Variants in PDE1A observed in about 807,000 individuals in gnomAD.
PDE1A encodes dual specificity calcium/calmodulin-dependent 3',5'-cyclic nucleotide phosphodiesterase 1A.
PDE1A carries 35 observed loss-of-function variants against 61.7 expected under a neutral mutation model. The ratio of observed to expected loss-of-function variants is 0.57; its 90% CI spans 0.43 to 0.75. PDE1A has a LOEUF of 0.75. PDE1A is among the 30% of genes least tolerant of loss of function. PDE1A has a pLI of 0.00. For missense variants in PDE1A, 597 were observed against 630.6 expected (o/e 0.95, Z 0.57); for synonymous variants, 232 against 213.2 (o/e 1.09, Z -0.77).
At chr2:182,671,995 G>A in the PDE1A span, among the ~76,000 whole-genome samples, 1 of 151,984 alleles carries the variant, frequency 6.6e-6, no homozygotes, top group African/African-American at 2.4e-5. Context: ...GCTCCTCCTC[G>A]AATTCTGCCC....
intron 1 of PDE1A, among the ~76,000 whole-genome samples, chr2:182,298,577 G>T (rs1695040028): frequency 6.6e-6 from 1 of 152,112 alleles, no homozygotes; most frequent in Admixed American, 6.6e-5. Flanking sequence ...CGAGTTGTTA[G>T]AGGATAGCAG....
chr2:182,626,764 TATATATACATATATATAC>T, the PDE1A span, among the ~76,000 whole-genome samples: 2 of 29,076 alleles, frequency 6.9e-5, no homozygotes, highest in African/African-American at 2.1e-4. Context: ...TATATATACA[TATATATACATATATATAC>T]ATATATATAC....
At chr2:182,639,074 T>G in the PDE1A span, among the ~76,000 whole-genome samples, 1 of 152,140 alleles carries the variant, frequency 6.6e-6, no homozygotes, top group Non-Finnish European at 1.5e-5. Context: ...GCAGGAAAAC[T>G]TACCAAAAGA....
chr2:182,257,167 T>C (rs1376024249), intron 2 of PDE1A, among the ~76,000 whole-genome samples: 1 of 152,214 alleles, frequency 6.6e-6, no homozygotes, highest in East Asian at 1.9e-4. Context: ...CTCCATGCCT[T>C]GCCTTAAATA....
the PDE1A span, among the ~76,000 whole-genome samples, chr2:182,626,792 C>CATATATATATACAT: frequency 2.0e-3 from 18 of 8,972 alleles, no homozygotes; most frequent in Non-Finnish European, 3.2e-3. Context: ...CATATATATA[C>CATATATATATACAT]ATATATATAC....
rs1237091164 is a variant in PDE1A at position 182,168,218 on chromosome 2, A to C, written c.*29T>G. The C allele has an allele frequency of 1.9e-6, 3 of 1,575,036 alleles. No homozygotes were observed. The South Asian group carries it at 3.6e-5, about 19-fold the overall frequency. On this transcript the variant is annotated 3_prime_UTR_variant, in exon 14 of 14. Coordinates refer to ENST00000351439, the Ensembl canonical transcript of PDE1A. ...GTCTTTTGGTCAAATTAGAGCTGCC[A>C]CCATGCACGAGGTTTTACTTAAAGG... is the stretch of plus-strand genomic sequence containing the variant.
the PDE1A span, among the ~76,000 whole-genome samples, chr2:182,620,757 C>A: frequency 6.6e-6 from 1 of 152,170 alleles, no homozygotes. Flanking sequence ...AATTCAGTTT[C>A]TATTTTAAGC....
chr2:182,609,639 C>T, the PDE1A span, among the ~76,000 whole-genome samples: 2 of 152,218 alleles, frequency 1.3e-5, no homozygotes, highest in African/African-American at 2.4e-5. Flanking sequence ...CACCAACCCA[C>T]CAGAAGGAAC....
the PDE1A span, among the ~76,000 whole-genome samples, chr2:182,554,090 G>A: frequency 6.6e-6 from 1 of 152,102 alleles, no homozygotes; most frequent in Non-Finnish European, 1.5e-5. Context: ...ACTCCAGGCA[G>A]GTAGACCAGT....
At chr2:182,546,586 C>T in the PDE1A span, among the ~76,000 whole-genome samples, 7 of 152,190 alleles carry the variant, frequency 4.6e-5, no homozygotes, top group African/African-American at 1.7e-4. Flanking sequence ...GCAACTTCAT[C>T]ACCACCCGTG....
chr2:182,189,067 A>G lies in PDE1A; in HGVS notation c.1126-7T>C. 6.2e-7 allele frequency: 1 copy of G among 1,600,350 alleles called. No homozygotes were observed. Among genetic ancestry groups the G allele is most frequent in the Non-Finnish European group, 8.6e-7 (1 of 1,168,284 alleles). ...ATTCAGCTTCTTTATCTCCCTGGAGAAAGAAAAGCACATTAATATAGACTT... is the reference window on the plus strand; with the variant it reads ...ATTCAGCTTCTTTATCTCCCTGGAGGAAGAAAAGCACATTAATATAGACTT... On this transcript the variant is annotated splice_polypyrimidine_tract_variant and splice_region_variant and intron_variant, in intron 10 of 13. Coordinates refer to ENST00000351439, the Ensembl canonical transcript of PDE1A.
intron 10 of PDE1A, among the ~76,000 whole-genome samples, chr2:182,198,601 T>C (rs1044053508): frequency 1.3e-5 from 2 of 151,308 alleles, no homozygotes; most frequent in African/African-American, 4.8e-5. Context: ...ATAATTAATA[T>C]ATTTTTTCCT....
At chr2:182,679,866 G>C in the PDE1A span, among the ~76,000 whole-genome samples, 5 of 152,164 alleles carry the variant, frequency 3.3e-5, no homozygotes, top group African/African-American at 9.6e-5. Context: ...AGTCAAAATA[G>C]AACAGGAAAC....
At chr2:182,494,408 G>GC (rs1476831057) in intron 2 of PDE1A, among the ~76,000 whole-genome samples, 15 of 148,084 alleles carry the variant, frequency 1.0e-4, no homozygotes, top group African/African-American at 3.5e-4. Context: ...CCAATGCTCA[G>GC]CCCCTCTGCC....
At chr2:182,361,626 C>T (rs1168151509) in intron 1 of PDE1A, among the ~76,000 whole-genome samples, 1 of 151,948 alleles carries the variant, frequency 6.6e-6, no homozygotes, top group Non-Finnish European at 1.5e-5. Flanking sequence ...TAACCATGCA[C>T]ATTTTATGAG....
chr2:182,281,303 C>G (rs1054117811), intron 1 of PDE1A, among the ~76,000 whole-genome samples: 27 of 151,698 alleles, frequency 1.8e-4, no homozygotes, highest in African/African-American at 6.3e-4. Flanking sequence ...TTTAAAATGT[C>G]CAGTGGAAAG....
the PDE1A span, among the ~76,000 whole-genome samples, chr2:182,557,773 T>C: frequency 6.6e-6 from 1 of 151,932 alleles, no homozygotes; most frequent in African/African-American, 2.4e-5. Context: ...AATGTCTCCA[T>C]GCACAGAAGA....
At chr2:182,520,555 T>C (rs1006791601) in intron 2 of PDE1A, among the ~76,000 whole-genome samples, 2 of 151,944 alleles carry the variant, frequency 1.3e-5, no homozygotes, top group Non-Finnish European at 2.9e-5. Flanking sequence ...AAATGACAGA[T>C]TGATCTCTGA....
the PDE1A span, among the ~76,000 whole-genome samples, chr2:182,668,354 T>C: frequency 3.9e-5 from 6 of 152,028 alleles, no homozygotes; most frequent in Non-Finnish European, 8.8e-5. Flanking sequence ...CAGAGGGCAC[T>C]TACAGATGAG....
Sources: allele counts gnomAD v4.1 joint callset (sites outside exome capture counted in the v4.1 genomes callset), GRCh38; gene constraint gnomAD v4.1.1; transcripts MANE v1.5; gene names NCBI Gene and HGNC (gene_info 2026-07-23, HGNC 2026-07-21).